The following TTC9C variants were observed in gnomAD, a reference collection of about 807,000 sequenced individuals.
TTC9C encodes tetratricopeptide repeat protein 9C.
Under a neutral mutation model 22.5 loss-of-function variants are expected in TTC9C, and 15 were observed. The ratio of observed to expected loss-of-function variants is 0.67; its 90% confidence interval spans 0.45 to 1.03. TTC9C has a LOEUF of 1.03. Among genes scored for constraint, TTC9C ranks in the 50% least tolerant of loss-of-function variants. The pLI is 0.00. For missense variants in TTC9C, 244 were observed against 214.6 expected, an observed-to-expected ratio of 1.14 and a Z score of -0.86; for synonymous variants, 92 against 86.8, an observed-to-expected ratio of 1.06 and a Z score of -0.33.
rs1565168761 is a variant in TTC9C, at chr11:62,728,977, G to T, written c.129G>T (p.Pro43=). The change falls in exon 1 of 3, where the codon CCG becomes CCT. Residue 43 remains proline (P), a synonymous_variant. Coordinates refer to ENST00000316461, the MANE Select transcript of TTC9C (RefSeq NM_173810.4). The part of the protein sequence containing the change: ...RALLQLRGLD[P]SLPSPLPNLG... The stretch of plus-strand genomic sequence containing the variant: ...TGCTTCAGCTGCGGGGTCTGGATCC[G>T]AGTCTGCCCTCTCCGTTACCTAATC... 1 of 1,614,144 alleles carries T rather than the reference G, an allele frequency of 6.2e-7. No homozygotes were observed. The highest frequency in any genetic ancestry group is 8.5e-7 in the Non-Finnish European group (1 of 1,180,034).
intron 2 of TTC9C, 27 bp from the exon 3 acceptor site, chr11:62,738,261 C>G (rs1362518764): frequency 4.7e-6 from 7 of 1,484,388 alleles, no homozygotes; most frequent in Admixed American, 1.7e-5. Flanking sequence ...CTAACTGTTT[C>G]TAATTGCTTC....
chr11:62,730,219 C>A (rs2083832078), intron 1 of TTC9C, among the ~76,000 whole-genome samples: 1 of 151,822 alleles, frequency 6.6e-6, no homozygotes, highest in African/African-American at 2.4e-5. Flanking sequence ...GGGATACAGG[C>A]GCGTGCCACC....
chr11:62,728,415 A>G (rs2083789470), upstream of TTC9C: 1 of 418,120 alleles, frequency 2.4e-6, no homozygotes, highest in Admixed American at 3.0e-5. Context: ...CTGGAGTTTT[A>G]GCACTAGTCC....
At chr11:62,728,485 C>T (rs1565167728), upstream of TTC9C, 1 of 477,016 alleles carries the variant, frequency 2.1e-6, no homozygotes, top group Non-Finnish European at 4.1e-6. Flanking sequence ...AGGCGGAAGC[C>T]AGTGTCCCAG....
Position 62,733,252 on chromosome 11 carries a change from G to A in TTC9C, c.239-2130G>A, listed in dbSNP as rs943195438. On this transcript the variant is annotated intron_variant, in intron 1 of 2. Transcript: ENST00000316461. Reference sequence around the variant, plus strand: ...ATCCAAGAGAATAGTGAAGTTATATGCTGTATTGTTACTGAGAATGATGAT... The same window carrying A: ...ATCCAAGAGAATAGTGAAGTTATATACTGTATTGTTACTGAGAATGATGAT... 4.1e-6 allele frequency: 4 copies of A among 964,906 alleles called. No individual in the cohort carries two copies. The African/African-American group carries it at 7.0e-5, about 17-fold the overall frequency. 59.8% of individuals were successfully genotyped at this position (964,906 alleles called of 1,614,324 possible).
chr11:62,736,331 C>T (rs373703222), intron 2 of TTC9C: 8 of 150,682 alleles, frequency 5.3e-5, no homozygotes, highest in Non-Finnish European at 1.2e-4. Flanking sequence ...CACCTGAGGT[C>T]AGGATTTCAA....
At chr11:62,736,458 G>A (rs1448469821) in intron 2 of TTC9C, among the ~76,000 whole-genome samples, 1 of 152,090 alleles carries the variant, frequency 6.6e-6, no homozygotes, top group Admixed American at 6.6e-5. Flanking sequence ...ACTTTGGGAG[G>A]CCGAGGTGGG....
intron 1 of TTC9C, among the ~76,000 whole-genome samples, chr11:62,734,025 A>G (rs1042992355): frequency 6.6e-6 from 1 of 151,028 alleles, no homozygotes; most frequent in African/African-American, 2.4e-5. Flanking sequence ...GGGGCTGGGC[A>G]GGGTGGTTCA....
Position 62,728,503 on chromosome 11 carries a change from C to CA in TTC9C, c.-345dup, listed in dbSNP as rs1321989886. ...CGGAAGCCAGTGTCCCAGGCGTTCTCACGCCCGCAACAATTCCTGAGTAGG... is the reference window on the plus strand; with the variant it reads ...CGGAAGCCAGTGTCCCAGGCGTTCTCAACGCCCGCAACAATTCCTGAGTAGG... On this transcript the variant is annotated 5_prime_UTR_variant, in exon 1 of 3. Coordinates refer to ENST00000316461, the MANE Select transcript of TTC9C (RefSeq NM_173810.4). 2.1e-6 allele frequency: 1 copy of CA among 484,446 alleles called. No homozygotes were observed. The highest frequency in any genetic ancestry group is 2.3e-5 in the Admixed American group (1 of 43,334). 30.0% of individuals were successfully genotyped at this position (484,446 alleles called of 1,614,324 possible).
intron 1 of TTC9C, among the ~76,000 whole-genome samples, chr11:62,734,487 C>G (rs1004612994): frequency 3.9e-5 from 6 of 152,024 alleles, no homozygotes; most frequent in Non-Finnish European, 5.9e-5. Flanking sequence ...ACTCGGGAGG[C>G]TGAGGCAGAA....
intron 2 of TTC9C, among the ~76,000 whole-genome samples, chr11:62,737,264 C>T (rs2083923415): frequency 6.6e-6 from 1 of 152,134 alleles, no homozygotes; most frequent in Non-Finnish European, 1.5e-5. Flanking sequence ...CCAACAAATA[C>T]ACTTGATAAT....
At chr11:62,737,463 G>C (rs555871358) in intron 2 of TTC9C, among the ~76,000 whole-genome samples, 1 of 152,266 alleles carries the variant, frequency 6.6e-6, no homozygotes, top group East Asian at 1.9e-4. Flanking sequence ...TCCTGTGTTG[G>C]TTGGTTGAGC....
At chr11:62,732,221 T>C (rs185033835) in intron 1 of TTC9C, among the ~76,000 whole-genome samples, 5,582 of 151,862 alleles carry the variant, frequency 0.037, 343 homozygotes, top group African/African-American at 0.13. Flanking sequence ...GGTCTCGATC[T>C]CCTGACCTCA....
rs370386237 is a variant in TTC9C at position 62,735,446 on chromosome 11, G to A, written c.303G>A (p.Leu101=). 352 of 1,614,132 alleles carry A rather than the reference G, an allele frequency of 2.2e-4. 4 individuals carry two copies. In the South Asian group the frequency reaches 3.6e-3, roughly 16 times the overall value. ...TGAGAGAATATAGTCAGAAAGTCCT[G>A]GAACGACAGCCTGATAATGCCAAGG... ...ERVREYSQKV[L]ERQPDNAKAL... The change falls in exon 2 of 3, where the codon CTG becomes CTA. Residue 101 remains leucine, a synonymous_variant. Coordinates refer to ENST00000316461, the MANE Select transcript of TTC9C (RefSeq NM_173810.4).
At chr11:62,738,030 C>A (rs1321729187) in intron 2 of TTC9C, among the ~76,000 whole-genome samples, 1 of 151,620 alleles carries the variant, frequency 6.6e-6, no homozygotes, top group East Asian at 1.9e-4. Flanking sequence ...GAGACCCTGT[C>A]TCAAAAGTAA....
At position 62,728,589 on chromosome 11, in the gene TTC9C, C is replaced by T. The variant is rs1271477333; in HGVS notation, c.-260C>T. 1 of 600,824 alleles carries T rather than the reference C, an allele frequency of 1.7e-6. No homozygotes were observed. The highest frequency in any genetic ancestry group is 3.1e-6 in the Non-Finnish European group (1 of 320,630). The allele number at this position is 600,824 out of a possible 1,614,324, so 37.2% of individuals were successfully genotyped here. ...CCCACATCGCCTCTTTAGGAAGTCA[C>T]TTAATGTTGGGCTTCATTATTCCCA... On this transcript the variant is annotated 5_prime_UTR_variant, in exon 1 of 3. Coordinates refer to ENST00000316461, the MANE Select transcript of TTC9C (RefSeq NM_173810.4).
At chr11:62,736,284 G>C (rs907484755) in intron 2 of TTC9C, 2 of 147,302 alleles carry the variant, frequency 1.4e-5, no homozygotes, top group African/African-American at 5.0e-5. Flanking sequence ...GCTTACACTT[G>C]TAATCCCAGC....
intron 1 of TTC9C, among the ~76,000 whole-genome samples, chr11:62,734,023 G>A (rs1396845903): frequency 6.6e-6 from 1 of 151,486 alleles, no homozygotes; most frequent in African/African-American, 2.4e-5. Context: ...AGGGGGCTGG[G>A]CAGGGTGGTT....
chr11:62,735,802 C>A, intron 2 of TTC9C: 1 of 459,896 alleles, frequency 2.2e-6, no homozygotes, highest in Non-Finnish European at 3.6e-6. Flanking sequence ...GATGCTTAAT[C>A]AGACATACAC....
Sources: gnomAD v4.1 joint callset for allele counts (sites outside exome capture counted in the v4.1 genomes callset) on GRCh38, gnomAD v4.1.1 for gene constraint, MANE v1.5 for transcripts, NCBI Gene and HGNC (gene_info 2026-07-23, HGNC 2026-07-21) for gene names.